Variants in ABCA13 observed in about 807,000 individuals in gnomAD.
The protein encoded by ABCA13 is ATP-binding cassette sub-family A member 13.
A neutral mutation model predicts 478.7 loss-of-function variants in ABCA13; 476 were observed. The ratio of observed to expected loss-of-function variants is 0.99; its 90% CI spans 0.92 to 1.07. The LOEUF is 1.07. Among genes scored for constraint, ABCA13 ranks in the 50% least tolerant of loss-of-function variants. ABCA13 has a pLI of 0.00. For synonymous variants in ABCA13, 2,252 were observed against 2,158.9 expected (o/e 1.04, Z -1.20); for missense variants, 6,060 against 5,910.6 (o/e 1.03, Z -0.83).
chr7:48,591,081 T>A (rs1789688624), intron 57 of ABCA13, among the ~76,000 whole-genome samples: 1 of 152,006 alleles, frequency 6.6e-6, no homozygotes, highest in African/African-American at 2.4e-5. Context: ...CTCTTCTTTT[T>A]TTTTTTCTAC....
At chr7:48,574,096 G>A (rs747965872) in intron 55 of ABCA13, among the ~76,000 whole-genome samples, 2 of 151,762 alleles carry the variant, frequency 1.3e-5, no homozygotes, top group Non-Finnish European at 2.9e-5. Flanking sequence ...GGGGAGTTAG[G>A]ACCCCAATAT....
In ABCA13 at chr7:48,219,524, AC is replaced by A; in HGVS notation, c.439+20del. 1 of 1,597,650 alleles carries A rather than the reference AC, an allele frequency of 6.3e-7. No individual in the cohort carries two copies. The highest frequency in any genetic ancestry group is 8.5e-7 in the Non-Finnish European group (1 of 1,175,044). ...ACTCCAGGCAAGTAAACCTCTCATA[AC>A]TGTGACACTACCTACCTGGACATAG... On this transcript the variant is annotated intron_variant, in intron 4 of 61. Transcript: ENST00000435803.
rs1795738773 is a variant in ABCA13, at chr7:48,272,426, C to G, written c.2760C>G (p.Val920=). The G allele has an allele frequency of 6.2e-7, 1 of 1,613,762 alleles. No homozygotes were observed. The highest frequency in any genetic ancestry group is 1.3e-5 in the African/African-American group (1 of 75,034). Residue 920 remains valine, a synonymous_variant, in exon 17 of 62, where the codon GTC becomes GTG. Transcript: ENST00000435803. ...AGATCTCAGAAGCTCTGAACACAGTCTACGCTATCAGGAATGCATCTGATC... is the reference window on the plus strand; with the variant it reads ...AGATCTCAGAAGCTCTGAACACAGTGTACGCTATCAGGAATGCATCTGATC... The part of the protein sequence containing the change: ...QEQISEALNT[V]YAIRNASDLF...
intron 15 of ABCA13, among the ~76,000 whole-genome samples, chr7:48,251,908 C>T (rs1163277654): frequency 2.0e-5 from 3 of 152,068 alleles, no homozygotes; most frequent in Non-Finnish European, 4.4e-5. Context: ...TATAAAAGCT[C>T]CATTGTATGT....
chr7:48,294,607 C>T lies in ABCA13; in HGVS notation c.8956-1093C>T, dbSNP rs567081985. On this transcript the variant is annotated intron_variant, in intron 20 of 61. Transcript: ENST00000435803. The stretch of plus-strand genomic sequence containing the variant: ...GACTACAGGCGCCCGCCACCGCGCC[C>T]GGCTAATTTTTTGTATTTTTAGTAG... Among the ~76,000 whole-genome samples, 547 of 151,512 alleles carry T rather than the reference C, an allele frequency of 3.6e-3. 2 individuals are homozygous for T. Among genetic ancestry groups the T allele is most frequent in the African/African-American group, 0.012 (508 of 41,312 alleles).
intron 41 of ABCA13, among the ~76,000 whole-genome samples, chr7:48,418,308 G>C (rs1820303845): frequency 2.0e-5 from 3 of 152,200 alleles, no homozygotes; most frequent in Admixed American, 2.0e-4. Context: ...CACCAGCAAT[G>C]AATGGGAGTT....
intron 6 of ABCA13, among the ~76,000 whole-genome samples, chr7:48,229,449 C>T (rs1488513290): frequency 6.6e-6 from 1 of 152,178 alleles, no homozygotes; most frequent in African/African-American, 2.4e-5. Context: ...TGTTCATTTG[C>T]TTTTCTAACA....
intron 48 of ABCA13, among the ~76,000 whole-genome samples, chr7:48,494,387 G>A (rs1830093522): frequency 6.6e-6 from 1 of 152,146 alleles, no homozygotes; most frequent in Non-Finnish European, 1.5e-5. Flanking sequence ...GAATTCGGCT[G>A]GCATCCATAA....
intron 27 of ABCA13, among the ~76,000 whole-genome samples, chr7:48,323,799 A>T (rs1402598077): frequency 1.3e-5 from 2 of 152,158 alleles, no homozygotes; most frequent in African/African-American, 4.8e-5. Context: ...CCCACGTGTC[A>T]AGGGCAGGGC....
chr7:48,293,471 T>G (rs1798874879), intron 20 of ABCA13, among the ~76,000 whole-genome samples: 1 of 152,202 alleles, frequency 6.6e-6, no homozygotes, highest in Admixed American at 6.5e-5. Context: ...CCATAATTGG[T>G]GCAACCTGGA....
At chr7:48,569,743 T>C (rs945439551) in intron 55 of ABCA13, among the ~76,000 whole-genome samples, 2 of 152,198 alleles carry the variant, frequency 1.3e-5, no homozygotes, top group African/African-American at 2.4e-5. Context: ...CAGGCTGGTC[T>C]TGAACTCCTA....
At chr7:48,467,129 G>A in intron 44 of ABCA13, 84 bp downstream of exon 44, 1 of 1,301,392 alleles carries the variant, frequency 7.7e-7, no homozygotes, top group East Asian at 2.3e-5. Flanking sequence ...CTTCATGATT[G>A]GTTATTTCAT....
intron 26 of ABCA13, among the ~76,000 whole-genome samples, chr7:48,316,393 A>G (rs1802587190): frequency 6.6e-6 from 1 of 152,142 alleles, no homozygotes; most frequent in South Asian, 2.1e-4. Flanking sequence ...TATTTTTTGA[A>G]TTGTCATTTT....
intron 23 of ABCA13, among the ~76,000 whole-genome samples, chr7:48,298,861 TA>T (rs1224605867): frequency 3.9e-5 from 6 of 152,078 alleles, no homozygotes; most frequent in Non-Finnish European, 8.8e-5. Flanking sequence ...CAAAAACAGC[TA>T]AAAATATCTT....
At chr7:48,287,934 A>T (rs1483015113) in intron 19 of ABCA13, 26 bp from the exon 20 acceptor site, 2 of 1,583,416 alleles carry the variant, frequency 1.3e-6, no homozygotes, top group African/African-American at 2.7e-5. Flanking sequence ...TCTATTAATT[A>T]TTTCTCTGTG....
intron 59 of ABCA13, among the ~76,000 whole-genome samples, chr7:48,630,804 C>A (rs1256366486): frequency 7.1e-6 from 1 of 139,892 alleles, no homozygotes; most frequent in African/African-American, 2.7e-5. Flanking sequence ...TCTCCACAGC[C>A]TTGCCAGCAT....
chr7:48,593,383 TA>T (rs531933272), intron 57 of ABCA13, among the ~76,000 whole-genome samples: 9 of 150,748 alleles, frequency 6.0e-5, no homozygotes, highest in South Asian at 2.1e-4. Flanking sequence ...TATATCACAT[TA>T]AAAAAAAACT....
At chr7:48,289,741 C>T (rs1798250442) in intron 20 of ABCA13, among the ~76,000 whole-genome samples, 1 of 151,518 alleles carries the variant, frequency 6.6e-6, no homozygotes, top group Non-Finnish European at 1.5e-5. Context: ...GCAACTGACT[C>T]AAAGACTGTA....
chr7:48,345,364 T>C (rs1807911097), intron 29 of ABCA13, among the ~76,000 whole-genome samples: 3 of 152,170 alleles, frequency 2.0e-5, no homozygotes, highest in African/African-American at 7.2e-5. Context: ...GAAAAATCCA[T>C]TGCTAGCACA....
Sources: gnomAD v4.1 joint callset for allele counts (sites outside exome capture counted in the v4.1 genomes callset) on GRCh38, gnomAD v4.1.1 for gene constraint, MANE v1.5 for transcripts, NCBI Gene and HGNC (gene_info 2026-07-23, HGNC 2026-07-21) for gene names.